The following LANCL2 variants were observed in gnomAD, a reference collection of about 807,000 sequenced individuals.
LANCL2 encodes lanC-like protein 2.
In LANCL2, 33 loss-of-function variants were observed where a neutral mutation model predicts 56.9. The ratio of observed to expected loss-of-function variants is 0.58; its 90% CI spans 0.44 to 0.78. The LOEUF (loss-of-function observed/expected upper bound fraction) is 0.78, where lower values mean the gene tolerates loss of function less well. Among genes scored for constraint, LANCL2 ranks in the 30% least tolerant of loss-of-function variants. The pLI is 0.00. For synonymous variants in LANCL2, 233 were observed against 228.2 expected (o/e 1.02, Z -0.19); for missense variants, 562 against 580.2 (o/e 0.97, Z 0.32).
intron 7 of LANCL2, among the ~76,000 whole-genome samples, chr7:55,427,245 T>G (rs1790673681): frequency 6.6e-6 from 1 of 152,186 alleles, no homozygotes; most frequent in Non-Finnish European, 1.5e-5. Context: ...TCTAGACCAG[T>G]TAAATGAGGA....
At chr7:55,413,634 C>T (rs552389788) in intron 6 of LANCL2, among the ~76,000 whole-genome samples, 6 of 152,360 alleles carry the variant, frequency 3.9e-5, no homozygotes, top group South Asian at 4.1e-4. Context: ...CAAGCCAGCA[C>T]GGCTCTGCCA....
At chr7:55,397,748 T>G (rs1306478571) in intron 2 of LANCL2, among the ~76,000 whole-genome samples, 1 of 147,054 alleles carries the variant, frequency 6.8e-6, no homozygotes, top group Admixed American at 6.9e-5. Context: ...ATATAGGCCC[T>G]TCTTTGGAGA....
intron 5 of LANCL2, among the ~76,000 whole-genome samples, chr7:55,405,257 A>G (rs1790392024): frequency 1.3e-5 from 2 of 152,086 alleles, no homozygotes; most frequent in Non-Finnish European, 2.9e-5. Flanking sequence ...GAAGGAACAG[A>G]TGTTTTCTTT....
chr7:55,426,800 G>A (rs1397890413), intron 7 of LANCL2, among the ~76,000 whole-genome samples: 1 of 152,234 alleles, frequency 6.6e-6, no homozygotes, highest in East Asian at 1.9e-4. Flanking sequence ...GGAGCACGGG[G>A]GATGGGGCAA....
chr7:55,411,948 G>A lies in LANCL2; in HGVS notation c.867G>A (p.Val289=). ...ACCAAGAAACCTTGACAGAAATGGT[G>A]AAACCCAGTATTGATTATGTGCGCC... ...KVDQETLTEM[V]KPSIDYVRHK... Residue 289 remains valine, a synonymous_variant, in exon 6 of 9, where the codon GTG becomes GTA. Transcript: ENST00000254770. 1 of 1,613,826 alleles carries A rather than the reference G, an allele frequency of 6.2e-7. No individual in the cohort carries two copies.
chr7:55,379,264 A>G (rs1001722168), intron 1 of LANCL2, among the ~76,000 whole-genome samples: 4 of 152,238 alleles, frequency 2.6e-5, no homozygotes, highest in African/African-American at 9.6e-5. Flanking sequence ...GTGAGTGTGC[A>G]TTAGGCCTGG....
At chr7:55,394,735 G>T (rs1011279109) in intron 2 of LANCL2, among the ~76,000 whole-genome samples, 1 of 151,384 alleles carries the variant, frequency 6.6e-6, no homozygotes. Context: ...GAATCACTCC[G>T]ACCCCACCCA....
At chr7:55,390,651 A>G (rs1188023143) in intron 1 of LANCL2, among the ~76,000 whole-genome samples, 1 of 151,720 alleles carries the variant, frequency 6.6e-6, no homozygotes, top group East Asian at 1.9e-4. Context: ...CGTGGTGGCA[A>G]GCGCCTGTAG....
intron 8 of LANCL2, among the ~76,000 whole-genome samples, chr7:55,429,924 G>A (rs895390785): frequency 1.3e-5 from 2 of 152,262 alleles, no homozygotes; most frequent in East Asian, 3.8e-4. Flanking sequence ...ATTAAGCCGT[G>A]TGCCTAGCAA....
In LANCL2 at chr7:55,366,092, G is replaced by T; in HGVS notation, c.67G>T (p.Ala23Ser). 6.5e-7 allele frequency: 1 copy of T among 1,536,130 alleles called. No individual in the cohort carries two copies. The highest frequency in any genetic ancestry group is 8.8e-7 in the Non-Finnish European group (1 of 1,137,492). ...AGGGGAGGCAGAAATGGAGGAACGG[G>T]CGTTCGTCAACCCCTTCCCGGACTA... Reference protein sequence around the residue: ...LGGEAEMEERAFVNPFPDYEA... With the variant: ...LGGEAEMEERSFVNPFPDYEA... The change falls in exon 1 of 9, where the codon GCG (alanine) becomes TCG (serine). Residue 23 changes from alanine to serine, a missense_variant. Ala to Ser is a moderately conservative substitution (Grantham distance 99). Transcript: ENST00000254770.
In LANCL2 at chr7:55,423,402, C is replaced by G. The variant is rs568572891; in HGVS notation, c.1009-1852C>G. 5.3e-5 allele frequency among the ~76,000 whole-genome samples: 8 copies of G among 152,336 alleles called. No individual in the cohort carries two copies. The South Asian group carries it at 1.7e-3, about 32-fold the overall frequency. On this transcript the variant is annotated intron_variant, in intron 6 of 8. Transcript: ENST00000254770. ...CCAGGCTCCACCAGCAGGGGCAGCT[C>G]CAGCTCACTTTAGGGCTGGCCTCAC...
intron 2 of LANCL2, among the ~76,000 whole-genome samples, chr7:55,393,180 A>T (rs879930506): frequency 2.6e-5 from 4 of 152,226 alleles, no homozygotes; most frequent in Non-Finnish European, 4.4e-5. Context: ...CAAATTGCTA[A>T]TGACAATTTA....
chr7:55,380,679 G>A (rs987109555), intron 1 of LANCL2, among the ~76,000 whole-genome samples: 15 of 151,888 alleles, frequency 9.9e-5, no homozygotes, highest in Admixed American at 9.8e-4. Context: ...AGTAATTGGA[G>A]GAGGAGGGAG....
rs955113912 is a variant in LANCL2, at chr7:55,365,874, C to T, written c.-152C>T. 14 of 544,398 alleles carry T rather than the reference C, an allele frequency of 2.6e-5. No individual in the cohort carries two copies. The highest frequency in any genetic ancestry group is 2.5e-5 in the Non-Finnish European group (8 of 324,706). The allele number at this position is 544,398 out of a possible 1,614,324, so 33.7% of individuals were successfully genotyped here. A position where few individuals can be genotyped will look rare whatever the true frequency, so the allele number is the denominator to read the frequency against. ...GAGCAGCCCGCGACGAGGCAGTGCACGCTCAGACGCCCCGCTCCTCCCGCC... is the reference window on the plus strand; with the variant it reads ...GAGCAGCCCGCGACGAGGCAGTGCATGCTCAGACGCCCCGCTCCTCCCGCC... On this transcript the variant is annotated 5_prime_UTR_variant, in exon 1 of 9. In the 5' UTR this introduces an upstream ATG that the reference lacks. Coordinates refer to ENST00000254770, the MANE Select transcript of LANCL2 (RefSeq NM_018697.4).
At chr7:55,404,812 C>T (rs1790386705) in intron 5 of LANCL2, among the ~76,000 whole-genome samples, 2 of 152,102 alleles carry the variant, frequency 1.3e-5, no homozygotes, top group Admixed American at 1.3e-4. Flanking sequence ...TGGAGTTTCG[C>T]CATGTTGGCC....
chr7:55,410,747 A>G (rs891837103), intron 5 of LANCL2, among the ~76,000 whole-genome samples: 2 of 152,014 alleles, frequency 1.3e-5, no homozygotes, highest in Non-Finnish European at 2.9e-5. Context: ...TGGTGCTAAT[A>G]TGTCACCCTA....
intron 8 of LANCL2, among the ~76,000 whole-genome samples, chr7:55,429,802 C>T (rs576513729): frequency 2.0e-5 from 3 of 152,380 alleles, no homozygotes; most frequent in East Asian, 1.9e-4. Context: ...ATGTACAGCT[C>T]CCTAAAGGCG....
chr7:55,399,914 T>G (rs1318757513), intron 3 of LANCL2, 43 bp from the exon 4 acceptor site: 2 of 1,568,818 alleles, frequency 1.3e-6, no homozygotes, highest in African/African-American at 2.7e-5. Flanking sequence ...AAGAAGTACT[T>G]TAGACTTCCA....
chr7:55,431,324 G>A lies in LANCL2; in HGVS notation c.*4G>A, dbSNP rs1166192384. 3 of 1,608,426 alleles carry A rather than the reference G, an allele frequency of 1.9e-6. No individual in the cohort carries two copies. The highest frequency in any genetic ancestry group is 2.5e-6 in the Non-Finnish European group (3 of 1,176,816). On this transcript the variant is annotated 3_prime_UTR_variant, in exon 9 of 9. Transcript: ENST00000254770. Reference sequence around the variant, plus strand: ...TGACTCTTCGAAGAGGGATTAAAAGGTGCAAAAAGACAACTAAAATACCCA... The same window carrying A: ...TGACTCTTCGAAGAGGGATTAAAAGATGCAAAAAGACAACTAAAATACCCA...
Sources: gnomAD v4.1 joint callset for allele counts (sites outside exome capture counted in the v4.1 genomes callset) on GRCh38, gnomAD v4.1.1 for gene constraint, MANE v1.5 for transcripts, NCBI Gene and HGNC (gene_info 2026-07-23, HGNC 2026-07-21) for gene names.